Variants in RAPGEF5 observed in about 807,000 individuals in gnomAD.
RAPGEF5 encodes M-Ras-regulated GEF.
In RAPGEF5, 65 loss-of-function variants were observed where a neutral mutation model predicts 125.2. That is an observed-to-expected ratio of 0.52 (90% CI 0.43 to 0.64). The LOEUF is 0.64. Ranked by LOEUF, RAPGEF5 falls within the 30% of genes least tolerant of loss-of-function variation. The pLI is 0.00. For synonymous variants in RAPGEF5, 391 were observed against 385.9 expected, an observed-to-expected ratio of 1.01 and a Z score of -0.16; for missense variants, 958 against 1,048.1, an observed-to-expected ratio of 0.91 and a Z score of 1.19.
intron 19 of RAPGEF5, 115 bp from the exon 20 acceptor site, chr7:22,145,337 T>C: frequency 1.0e-6 from 1 of 980,742 alleles, no homozygotes. Context: ...ATTAATACAC[T>C]AACAGAGAAC....
chr7:22,344,830 A>G (rs548587747), intron 1 of RAPGEF5, among the ~76,000 whole-genome samples: 2 of 152,204 alleles, frequency 1.3e-5, no homozygotes, highest in Non-Finnish European at 2.9e-5. Context: ...TATTCATTCA[A>G]TAAAGTTCTT....
intron 7 of RAPGEF5, among the ~76,000 whole-genome samples, chr7:22,232,691 TG>T (rs1048557052): frequency 3.5e-4 from 53 of 152,324 alleles, no homozygotes; most frequent in African/African-American, 1.3e-3. Context: ...TTTTTGCTTT[TG>T]TATGCCATTC....
rs747566504 is a variant in RAPGEF5 at position 22,167,121 on chromosome 7, G to A, written c.1232C>T (p.Thr411Met). The stretch of plus-strand genomic sequence containing the variant: ...ATCAGTTGTCATGAAGACAGTGTAC[G>A]TGAGAAGGAAGTCATCCAGGAGGGT... ...TETLLDDFLL[T>M]YTVFMTTDDL... The change falls in exon 12 of 26, where the codon ACG becomes ATG. Residue 411 changes from threonine to methionine, a missense_variant. Physicochemically the swap from Thr to Met is moderately conservative, Grantham distance 81 (BLOSUM62 -1). Coordinates refer to ENST00000665637, the MANE Select transcript of RAPGEF5 (RefSeq NM_012294.5). The A allele has an allele frequency of 7.4e-6, 12 of 1,612,838 alleles. No homozygotes were observed. The highest frequency in any genetic ancestry group is 1.6e-4 in the Middle Eastern group (1 of 6,062).
At chr7:22,191,465 T>C (rs1784994192) in intron 11 of RAPGEF5, 1 of 434,942 alleles carries the variant, frequency 2.3e-6, no homozygotes, top group Non-Finnish European at 4.9e-6. Context: ...TAAAGTTTCA[T>C]TTGTGTCCCT....
chr7:22,162,941 T>C (rs749536626), intron 12 of RAPGEF5: 1 of 458,306 alleles, frequency 2.2e-6, no homozygotes, highest in South Asian at 1.5e-5. Context: ...GGCCAGATGC[T>C]GTCTAGTCCT....
chr7:22,205,152 G>T (rs979412305), intron 9 of RAPGEF5, among the ~76,000 whole-genome samples: 2 of 152,180 alleles, frequency 1.3e-5, no homozygotes, highest in African/African-American at 4.8e-5. Flanking sequence ...ACCTGCCCAG[G>T]TAAGATCTTT....
At chr7:22,344,985 T>G (rs1252081800) in intron 1 of RAPGEF5, among the ~76,000 whole-genome samples, 1 of 152,206 alleles carries the variant, frequency 6.6e-6, no homozygotes, top group East Asian at 1.9e-4. Flanking sequence ...GTGTGGTCTG[T>G]GGATGCAGCA....
At chr7:22,323,729 C>T (rs1044376790) in intron 1 of RAPGEF5, among the ~76,000 whole-genome samples, 2 of 152,028 alleles carry the variant, frequency 1.3e-5, no homozygotes, top group Non-Finnish European at 2.9e-5. Flanking sequence ...CTCCCACTGG[C>T]CAAATCTGGG....
chr7:22,214,743 C>T (rs564173981), intron 9 of RAPGEF5, among the ~76,000 whole-genome samples: 1 of 151,748 alleles, frequency 6.6e-6, no homozygotes, highest in Non-Finnish European at 1.5e-5. Flanking sequence ...CAGAGCTGCC[C>T]TCTGAGTGCA....
At chr7:22,308,137 TG>T (rs1783386597) in intron 5 of RAPGEF5, among the ~76,000 whole-genome samples, 1 of 152,248 alleles carries the variant, frequency 6.6e-6, no homozygotes, top group Admixed American at 6.5e-5. Context: ...CATAGGCTTC[TG>T]GGATTTAAAT....
chr7:22,139,745 C>G, intron 21 of RAPGEF5: 1 of 312,272 alleles, frequency 3.2e-6, no homozygotes, highest in Non-Finnish European at 6.1e-6. Flanking sequence ...GAGCACGCAT[C>G]ATCATGCGGG....
At chr7:22,224,835 CTTTT>C (rs61426791) in intron 8 of RAPGEF5, among the ~76,000 whole-genome samples, 1 of 140,068 alleles carries the variant, frequency 7.1e-6, no homozygotes, top group Non-Finnish European at 1.6e-5. Flanking sequence ...TTTTGGTTTT[CTTTT>C]TTTTTTTTTT....
chr7:22,201,698 C>T (rs545094869), intron 9 of RAPGEF5, among the ~76,000 whole-genome samples: 1 of 152,316 alleles, frequency 6.6e-6, no homozygotes, highest in South Asian at 2.1e-4. Flanking sequence ...TCACACTCTG[C>T]ACTTCCCATG....
chr7:22,197,501 T>C (rs2128127215), intron 9 of RAPGEF5, among the ~76,000 whole-genome samples: 1 of 152,328 alleles, frequency 6.6e-6, no homozygotes, highest in South Asian at 2.1e-4. Context: ...GTTATACTTC[T>C]TTTCATCTCA....
chr7:22,356,932 G>C lies in RAPGEF5; in HGVS notation c.129C>G (p.Arg43=). 1.9e-6 allele frequency: 2 copies of C among 1,073,560 alleles called. No individual in the cohort carries two copies. The highest frequency in any genetic ancestry group is 1.1e-6 in the Non-Finnish European group (1 of 888,738). The allele number at this position is 1,073,560 out of a possible 1,614,324, so 66.5% of individuals were successfully genotyped here. The change falls in exon 1 of 26, where the codon CGC becomes CGG. Residue 43 remains arginine (R), a synonymous_variant. Coordinates refer to ENST00000665637, the MANE Select transcript of RAPGEF5 (RefSeq NM_012294.5). ...GCCGCAGCGACGCCGGCGGCTGCTC[G>C]CGCTCGGGCTCCCGGGCGCTGGGGC... ...RRSPSAREPE[R]EQPPASLRPR... is the part of the protein sequence containing the mutation.
intron 6 of RAPGEF5, among the ~76,000 whole-genome samples, chr7:22,272,877 CT>C (rs1449975727): frequency 9.2e-5 from 14 of 152,238 alleles, no homozygotes; most frequent in African/African-American, 3.4e-4. Flanking sequence ...CCACCTCAGT[CT>C]CCTGAGTAGC....
chr7:22,317,592 A>G (rs1011969093), intron 2 of RAPGEF5, among the ~76,000 whole-genome samples: 32 of 152,334 alleles, frequency 2.1e-4, no homozygotes, highest in African/African-American at 7.5e-4. Context: ...AATGATAAAT[A>G]ACAAGGAAGT....
chr7:22,348,623 G>A (rs909322294), intron 1 of RAPGEF5, among the ~76,000 whole-genome samples: 1 of 152,210 alleles, frequency 6.6e-6, no homozygotes, highest in Non-Finnish European at 1.5e-5. Flanking sequence ...TGGTATTGCT[G>A]GGAGATGGCT....
intron 9 of RAPGEF5, among the ~76,000 whole-genome samples, chr7:22,213,573 G>A (rs868849804): frequency 4.6e-5 from 7 of 152,094 alleles, no homozygotes; most frequent in Non-Finnish European, 1.0e-4. Flanking sequence ...ATTAAAAATG[G>A]ACTATAATAA....
Sources: allele counts gnomAD v4.1 joint callset (sites outside exome capture counted in the v4.1 genomes callset), GRCh38; gene constraint gnomAD v4.1.1; transcripts MANE v1.5; gene names NCBI Gene and HGNC (gene_info 2026-07-23, HGNC 2026-07-21).